Variants in ACTL8 observed in about 807,000 individuals in gnomAD.
ACTL8 encodes actin-like protein 8.
Under a neutral mutation model 9.3 loss-of-function variants are expected in ACTL8, and 3 were observed. The ratio of observed to expected loss-of-function variants is 0.32; its 90% CI spans 0.15 to 0.83. The LOEUF is 0.83. Ranked by LOEUF, ACTL8 falls within the 40% of genes least tolerant of loss-of-function variation. ACTL8 has a pLI of 0.57. For synonymous variants in ACTL8, 224 were observed against 205.9 expected, an observed-to-expected ratio of 1.09 and a Z score of -0.75; for missense variants, 381 against 492.2, an observed-to-expected ratio of 0.77 and a Z score of 2.14.
intron 1 of ACTL8, among the ~76,000 whole-genome samples, chr1:17,809,559 C>G (rs1245817104): frequency 6.6e-6 from 1 of 152,130 alleles, no homozygotes; most frequent in East Asian, 1.9e-4. Flanking sequence ...CAGCCACTCC[C>G]CATTGCTCAC....
intron 2 of ACTL8, among the ~76,000 whole-genome samples, chr1:17,824,298 A>G (rs1056949344): frequency 1.3e-5 from 2 of 152,212 alleles, no homozygotes; most frequent in Non-Finnish European, 2.9e-5. Context: ...ACACACATTC[A>G]TTTATATGTT....
intron 1 of ACTL8, among the ~76,000 whole-genome samples, chr1:17,792,716 A>T (rs866565382): frequency 6.6e-6 from 1 of 152,174 alleles, no homozygotes; most frequent in African/African-American, 2.4e-5. Context: ...TCCTGAGCAG[A>T]GTGTCTGCCC....
rs146517291 is a variant in ACTL8, at chr1:17,826,102, G to A, written c.684G>A (p.Gln228=). 1,135 of 1,609,582 alleles carry A rather than the reference G, an allele frequency of 7.1e-4. 6 individuals are homozygous for A. The highest frequency in any genetic ancestry group is 2.0e-3 in the Middle Eastern group (12 of 6,056). Residue 228 remains glutamine (Q), a synonymous_variant, in exon 3 of 3, where the codon CAG becomes CAA. Transcript: ENST00000375406. This position sits in a 1 kb window ranked among gnomAD's most constrained non-coding sequence, Gnocchi z 4.5. Reference sequence around the variant, plus strand: ...AGGCCCTGGACTTTCGTGAGAGGCAGCAGAGTGCCTTGGATGAGAGCAACA... The same window carrying A: ...AGGCCCTGGACTTTCGTGAGAGGCAACAGAGTGCCTTGGATGAGAGCAACA... The part of the protein sequence containing the change: ...LGEALDFRER[Q]QSALDESNTY...
Position 17,820,687 on chromosome 1 carries a change from C to T in ACTL8, c.-24-2298C>T, listed in dbSNP as rs559543135. Among the ~76,000 whole-genome samples, 19 of 149,034 alleles carry T rather than the reference C, an allele frequency of 1.3e-4. No individual in the cohort carries two copies. In the East Asian group the frequency reaches 3.3e-3, roughly 26 times the overall value. On this transcript the variant is annotated intron_variant, in intron 1 of 2. Coordinates refer to ENST00000375406, the MANE Select transcript of ACTL8 (RefSeq NM_030812.3). ...GGTTCAAGGGAATCTCCTCCCTCAGCCCCCCCAGTAGCTGGGATTACAGGT... is the reference window on the plus strand; with the variant it reads ...GGTTCAAGGGAATCTCCTCCCTCAGTCCCCCCAGTAGCTGGGATTACAGGT...
At chr1:17,786,640 C>A (rs994022740) in intron 1 of ACTL8, among the ~76,000 whole-genome samples, 8 of 152,150 alleles carry the variant, frequency 5.3e-5, no homozygotes, top group Non-Finnish European at 8.8e-5. Context: ...AGAGAGGGGA[C>A]ATATACATGG....
rs2066373655 is a variant in ACTL8 at position 17,808,514 on chromosome 1, C to A, written c.-24-14471C>A. On this transcript the variant is annotated intron_variant, in intron 1 of 2. Transcript: ENST00000375406. Reference sequence around the variant, plus strand: ...CTTGACTACACTCAAAGGTGGGTGGCGTGGGGACAACTCTGTCACTTCTCT... The same window carrying A: ...CTTGACTACACTCAAAGGTGGGTGGAGTGGGGACAACTCTGTCACTTCTCT... 2.6e-5 allele frequency among the ~76,000 whole-genome samples: 4 copies of A among 152,142 alleles called. No individual in the cohort carries two copies. In the South Asian group the frequency reaches 8.3e-4, roughly 32 times the overall value.
intron 1 of ACTL8, among the ~76,000 whole-genome samples, chr1:17,805,941 C>A (rs931612543): frequency 6.6e-6 from 1 of 152,184 alleles, no homozygotes; most frequent in African/African-American, 2.4e-5. Context: ...GCTGGGAGGC[C>A]GTAGGGACAA....
rs559939606 is a variant in ACTL8 at position 17,763,763 on chromosome 1, C to T, written c.-25+8259C>T. On this transcript the variant is annotated intron_variant, in intron 1 of 2. Coordinates refer to ENST00000375406, the MANE Select transcript of ACTL8 (RefSeq NM_030812.3). The stretch of plus-strand genomic sequence containing the variant: ...TTAGTCTTTTCTCCCCCATTCCCTC[C>T]CCCTGCAGAAAAGGATGAGCGGTTG... 2.0e-5 allele frequency among the ~76,000 whole-genome samples: 3 copies of T among 152,320 alleles called. No individual in the cohort carries two copies. In the East Asian group the frequency reaches 5.8e-4, roughly 29 times the overall value.
At chr1:17,806,400 T>G (rs2066360253) in intron 1 of ACTL8, among the ~76,000 whole-genome samples, 1 of 152,226 alleles carries the variant, frequency 6.6e-6, no homozygotes, top group South Asian at 2.1e-4. Flanking sequence ...CTCTTTCTTC[T>G]GGTACTCCCC....
intron 1 of ACTL8, among the ~76,000 whole-genome samples, chr1:17,809,475 C>T (rs183829881): frequency 9.6e-4 from 146 of 152,194 alleles, no homozygotes; most frequent in African/African-American, 3.2e-3. Flanking sequence ...AAGGAAAGGC[C>T]GTGGCCTGTT....
chr1:17,797,028 A>T (rs2066282386), intron 1 of ACTL8, among the ~76,000 whole-genome samples: 1 of 151,856 alleles, frequency 6.6e-6, no homozygotes, highest in African/African-American at 2.4e-5. Context: ...TGGTATCCAC[A>T]CTCCTAGCAT....
intron 1 of ACTL8, among the ~76,000 whole-genome samples, chr1:17,791,272 C>T (rs1400295314): frequency 6.6e-6 from 1 of 152,184 alleles, no homozygotes; most frequent in Non-Finnish European, 1.5e-5. Flanking sequence ...CCTGGCCACG[C>T]CTCCCTGCTG....
rs528757662 is a variant in ACTL8 at position 17,815,758 on chromosome 1, A to G, written c.-24-7227A>G. ...ATGTCTTCAAAACTTTTTCTGAGCC[A>G]GTCTTTTTCCTCTCACTTTGAAACT... On this transcript the variant is annotated intron_variant, in intron 1 of 2. Coordinates refer to ENST00000375406, the MANE Select transcript of ACTL8 (RefSeq NM_030812.3). Among the ~76,000 whole-genome samples the G allele has an allele frequency of 1.2e-4, 18 of 152,294 alleles. 2 individuals are homozygous for G. In the South Asian group the frequency reaches 3.7e-3, roughly 32 times the overall value.
chr1:17,809,461 G>A (rs1238104829), intron 1 of ACTL8, among the ~76,000 whole-genome samples: 2 of 152,148 alleles, frequency 1.3e-5, no homozygotes, highest in Non-Finnish European at 2.9e-5. Flanking sequence ...CAGGGACAGA[G>A]AGAAAGGAAA....
At chr1:17,782,214 G>A (rs1372919432) in intron 1 of ACTL8, among the ~76,000 whole-genome samples, 1 of 151,672 alleles carries the variant, frequency 6.6e-6, no homozygotes, top group East Asian at 1.9e-4. Context: ...AGAAGAGTTT[G>A]AGGACAGGGG....
At chr1:17,808,478 C>T (rs182571050) in intron 1 of ACTL8, among the ~76,000 whole-genome samples, 4 of 152,326 alleles carry the variant, frequency 2.6e-5, no homozygotes, top group Admixed American at 6.5e-5. Flanking sequence ...CCCACAGGTA[C>T]GGATTTGAAT....
chr1:17,777,858 CG>C (rs1557431835), intron 1 of ACTL8, among the ~76,000 whole-genome samples: 1 of 152,092 alleles, frequency 6.6e-6, no homozygotes, highest in African/African-American at 2.4e-5. Flanking sequence ...CCACCATGCC[CG>C]GCTAATTTTT....
rs746694408 is a variant in ACTL8, at chr1:17,826,079, G to A, written c.661G>A (p.Ala221Thr). Residue 221 changes from alanine to threonine, a missense_variant, in exon 3 of 3, where the codon GCC becomes ACC. Physicochemically the swap from Ala to Thr is moderately conservative, Grantham distance 58. Around this residue, in one of 3 missense-constraint regions of ACTL8, gnomAD observed 243 missense variants for 276.2 expected, o/e 0.88. Transcript: ENST00000375406. This position sits in a 1 kb window ranked among gnomAD's most constrained non-coding sequence, Gnocchi z 4.5. ...CTACGTGCCGCAGAATCTGGGGGAGGCCCTGGACTTTCGTGAGAGGCAGCA... is the reference window on the plus strand; with the variant it reads ...CTACGTGCCGCAGAATCTGGGGGAGACCCTGGACTTTCGTGAGAGGCAGCA... Reference protein sequence around the residue: ...KCYVPQNLGEALDFRERQQSA... With the variant: ...KCYVPQNLGETLDFRERQQSA... 32 of 1,607,850 alleles carry A rather than the reference G, an allele frequency of 2.0e-5. No homozygotes were observed. The East Asian group carries it at 2.2e-4, about 11-fold the overall frequency.
rs1321458508 is a variant in ACTL8, at chr1:17,823,017, A to G, written c.9A>G (p.Ala3=). The change falls in exon 2 of 3, where the codon GCA becomes GCG. Residue 3 remains alanine (A), a synonymous_variant. Coordinates refer to ENST00000375406, the MANE Select transcript of ACTL8 (RefSeq NM_030812.3). The surrounding 1 kb of genome is among the most constrained non-coding windows in gnomAD (Gnocchi z 5.3). MA[A]RTVIIDHGSG... is the part of the protein sequence containing the mutation. Reference sequence around the variant, plus strand: ...CCACCTCTGCCTCCGCCATGGCTGCAAGAACCGTTATCATTGACCACGGGT... The same window carrying G: ...CCACCTCTGCCTCCGCCATGGCTGCGAGAACCGTTATCATTGACCACGGGT... 3.7e-6 allele frequency: 6 copies of G among 1,613,418 alleles called. No individual in the cohort carries two copies. Among genetic ancestry groups the G allele is most frequent in the East Asian group, 2.2e-5 (1 of 44,864 alleles).
Sources: gnomAD v4.1 joint callset for allele counts (sites outside exome capture counted in the v4.1 genomes callset) on GRCh38, gnomAD v4.1.1 for gene constraint, gnomAD v4.1.1 regional missense constraint, Gnocchi (gnomAD v3.1) non-coding constraint, MANE v1.5 for transcripts, NCBI Gene and HGNC (gene_info 2026-07-23, HGNC 2026-07-21) for gene names.